Variants in LDLRAD4 observed in about 807,000 individuals in gnomAD.
LDLRAD4 encodes the protein low-density lipoprotein receptor class A domain-containing protein 4.
LDLRAD4 carries 5 observed loss-of-function variants against 17.0 expected under a neutral mutation model. That is an observed-to-expected ratio of 0.29 (90% CI 0.15 to 0.62). The LOEUF (loss-of-function observed/expected upper bound fraction) is 0.62. Among genes scored for constraint, LDLRAD4 ranks in the 20% least tolerant of loss-of-function variants. LDLRAD4 has a pLI of 0.84. For missense variants in LDLRAD4, 340 were observed against 424.7 expected (o/e 0.80, Z 1.75); for synonymous variants, 168 against 171.8 (o/e 0.98, Z 0.17).
intron 3 of LDLRAD4, chr18:13,620,836 T>C: frequency 2.1e-6 from 1 of 476,730 alleles, no homozygotes. Flanking sequence ...AGCGGTGACA[T>C]TGGAGAAATA....
At chr18:13,279,889 G>C (rs1218916131) in intron 1 of LDLRAD4, 1 of 152,256 alleles carries the variant, frequency 6.6e-6, no homozygotes, top group Non-Finnish European at 1.5e-5. Context: ...TCTTACAGCT[G>C]ACTGTCCTGG....
At chr18:13,243,795 T>C (rs151288163) in intron 1 of LDLRAD4, among the ~76,000 whole-genome samples, 4 of 135,224 alleles carry the variant, frequency 3.0e-5, no homozygotes, top group Admixed American at 7.5e-5. Context: ...CCCATCCATC[T>C]ATCATCTCCC....
Position 13,498,150 on chromosome 18 carries a change from C to T in LDLRAD4, c.181+59766C>T, listed in dbSNP as rs143907133. On this transcript the variant is annotated intron_variant, in intron 3 of 5. Coordinates refer to ENST00000359446, the Ensembl canonical transcript of LDLRAD4. ...GCCATGGACACTGGAGAATCCTTCT[C>T]GCCACACACGTCCCTCTGTGGACAC... Among the ~76,000 whole-genome samples the T allele has an allele frequency of 2.3e-4, 34 of 148,914 alleles. 2 individuals carry two copies. Among genetic ancestry groups the T allele is most frequent in the African/African-American group, 8.2e-4 (33 of 40,136 alleles).
intron 1 of LDLRAD4, among the ~76,000 whole-genome samples, chr18:13,219,509 A>G (rs1567900990): frequency 6.6e-6 from 1 of 152,146 alleles, no homozygotes; most frequent in Non-Finnish European, 1.5e-5. Context: ...CCATTGCAAT[A>G]CATATTTATT....
intron 1 of LDLRAD4, among the ~76,000 whole-genome samples, chr18:13,224,474 C>CTTTCT (rs1555621213): frequency 1.0e-4 from 9 of 87,886 alleles, no homozygotes; most frequent in South Asian, 4.7e-4. Context: ...TTCTTTCTTT[C>CTTTCT]TTTTTTTTTT....
chr18:13,340,872 C>T (rs546999496), intron 1 of LDLRAD4, among the ~76,000 whole-genome samples: 1 of 152,090 alleles, frequency 6.6e-6, no homozygotes, highest in East Asian at 1.9e-4. Context: ...GCTTTCGTTT[C>T]TAGGTTTTTG....
chr18:13,351,469 C>T (rs2083031659), intron 1 of LDLRAD4, among the ~76,000 whole-genome samples: 1 of 152,082 alleles, frequency 6.6e-6, no homozygotes, highest in South Asian at 2.1e-4. Flanking sequence ...GATTTTTGCA[C>T]ATTGATTTTG....
At chr18:13,576,845 GGCCTGGGGT>G (rs1200537569) in intron 3 of LDLRAD4, among the ~76,000 whole-genome samples, 1 of 152,244 alleles carries the variant, frequency 6.6e-6, no homozygotes, top group Non-Finnish European at 1.5e-5. Context: ...ATCTCAGGAG[GGCCTGGGGT>G]GCCCATGAGC....
intron 2 of LDLRAD4, among the ~76,000 whole-genome samples, chr18:13,424,927 T>G (rs898069981): frequency 2.0e-5 from 3 of 152,128 alleles, no homozygotes; most frequent in Non-Finnish European, 4.4e-5. Flanking sequence ...GTCCTGGAAG[T>G]GATGGAATCT....
At chr18:13,288,237 T>C (rs1434185420) in intron 1 of LDLRAD4, among the ~76,000 whole-genome samples, 1 of 152,228 alleles carries the variant, frequency 6.6e-6, no homozygotes, top group Non-Finnish European at 1.5e-5. Flanking sequence ...AATAGGCAAA[T>C]GTCCCAACCT....
At chr18:13,467,864 AG>A (rs1789296728) in intron 3 of LDLRAD4, among the ~76,000 whole-genome samples, 1 of 152,234 alleles carries the variant, frequency 6.6e-6, no homozygotes, top group African/African-American at 2.4e-5. Flanking sequence ...ATTTTTGATA[AG>A]GGCTCCAAGT....
chr18:13,300,594 G>A lies in LDLRAD4; in HGVS notation c.-383+22406G>A, dbSNP rs962267541. 6.6e-6 allele frequency among the ~76,000 whole-genome samples: 1 copy of A among 152,202 alleles called. No individual in the cohort carries two copies. The highest frequency in any genetic ancestry group is 2.4e-5 in the African/African-American group (1 of 41,450). On this transcript the variant is annotated intron_variant, in intron 1 of 5. Coordinates refer to ENST00000359446, the Ensembl canonical transcript of LDLRAD4. This position sits in a 1 kb window ranked among gnomAD's most constrained non-coding sequence, Gnocchi z 4.2. ...CTGGCTTATTTCGGGGTGGGTGTGT[G>A]AGAATTGGCTGTGAGATGAGTGACA...
intron 3 of LDLRAD4, among the ~76,000 whole-genome samples, chr18:13,444,101 A>G (rs2091225547): frequency 6.6e-6 from 1 of 152,226 alleles, no homozygotes; most frequent in African/African-American, 2.4e-5. Context: ...CCTGAAGTGT[A>G]TATCATATAG....
intron 3 of LDLRAD4, among the ~76,000 whole-genome samples, chr18:13,502,878 C>T (rs2093634383): frequency 1.3e-5 from 2 of 152,256 alleles, no homozygotes; most frequent in South Asian, 4.1e-4. Context: ...CAGCCACAGG[C>T]TGGGATCCCA....
chr18:13,289,186 T>C (rs1189852946), intron 1 of LDLRAD4, among the ~76,000 whole-genome samples: 2 of 152,248 alleles, frequency 1.3e-5, no homozygotes, highest in African/African-American at 4.8e-5. Flanking sequence ...AATATGCTCT[T>C]GTGTCAGTCT....
intron 3 of LDLRAD4, among the ~76,000 whole-genome samples, chr18:13,450,157 C>A (rs1191685084): frequency 6.6e-6 from 1 of 152,226 alleles, no homozygotes; most frequent in Middle Eastern, 3.2e-3. Flanking sequence ...CTGGCAGAGA[C>A]CCTGCCCTTC....
At chr18:13,251,674 A>G (rs2043227583) in intron 1 of LDLRAD4, among the ~76,000 whole-genome samples, 1 of 152,242 alleles carries the variant, frequency 6.6e-6, no homozygotes, top group African/African-American at 2.4e-5. Context: ...GAGGCCAAAG[A>G]CCTCTACAAG....
At chr18:13,230,642 C>T (rs1311639063) in intron 1 of LDLRAD4, among the ~76,000 whole-genome samples, 6 of 49,188 alleles carry the variant, frequency 1.2e-4, no homozygotes, top group Admixed American at 5.7e-4. Context: ...GAGGGCAGGG[C>T]GGGCCATGCA....
chr18:13,404,596 G>T (rs891160753), intron 2 of LDLRAD4, among the ~76,000 whole-genome samples: 2 of 152,118 alleles, frequency 1.3e-5, no homozygotes, highest in Non-Finnish European at 2.9e-5. Flanking sequence ...AGGAGATCGA[G>T]ACCATCCTGG....
Sources: gnomAD v4.1 joint callset for allele counts (sites outside exome capture counted in the v4.1 genomes callset) on GRCh38, gnomAD v4.1.1 for gene constraint, Gnocchi (gnomAD v3.1) non-coding constraint, MANE v1.5 for transcripts, NCBI Gene and HGNC (gene_info 2026-07-23, HGNC 2026-07-21) for gene names.